The following CFAP70 variants were observed in gnomAD, a reference collection of about 807,000 sequenced individuals.
The protein encoded by CFAP70 is cilia- and flagella-associated protein 70.
A neutral mutation model predicts 137.6 loss-of-function variants in CFAP70; 81 were observed. That is an observed-to-expected ratio of 0.59 (90% CI 0.49 to 0.71). The LOEUF is 0.71. Among genes scored for constraint, CFAP70 ranks in the 30% least tolerant of loss-of-function variants. CFAP70 has a pLI of 0.00. For synonymous variants in CFAP70, 382 were observed against 423.6 expected (o/e 0.90, Z 1.20); for missense variants, 976 against 1,226.7 (o/e 0.80, Z 3.05).
exon 3 of CFAP70, chr10:73,353,592 T>C: frequency 6.2e-7 from 1 of 1,614,162 alleles, no homozygotes; most frequent in Non-Finnish European, 8.5e-7. Context: ...TCTGAAGTGA[T>C]TCCTCCTTCA....
chr10:73,293,095 G>A (rs919439665), intron 16 of CFAP70, among the ~76,000 whole-genome samples, 168 bp downstream of exon 17: 69 of 152,102 alleles, frequency 4.5e-4, no homozygotes, highest in African/African-American at 1.3e-3. Flanking sequence ...TTTCTTTTAG[G>A]TTTGTCAAAA....
exon 9 of CFAP70, chr10:73,323,085 C>T: frequency 6.2e-7 from 1 of 1,612,066 alleles, no homozygotes; most frequent in Non-Finnish European, 8.5e-7. Context: ...GAAAGCTGAG[C>T]TTCTTCATCA....
intron 8 of CFAP70, among the ~76,000 whole-genome samples, chr10:73,327,579 C>T (rs1431784424): frequency 6.6e-6 from 1 of 151,744 alleles, no homozygotes; most frequent in East Asian, 1.9e-4. Flanking sequence ...GATTGTATAT[C>T]TAGAAAACCC....
intron 7 of CFAP70, among the ~76,000 whole-genome samples, chr10:73,334,871 C>T (rs1428186706): frequency 6.7e-6 from 1 of 150,104 alleles, no homozygotes; most frequent in East Asian, 2.0e-4. Flanking sequence ...AGCCATTGCA[C>T]CTGGCCGAGT....
At chr10:73,261,077 G>A (rs1004476831) in intron 25 of CFAP70, among the ~76,000 whole-genome samples, 11 of 151,954 alleles carry the variant, frequency 7.2e-5, no homozygotes, top group African/African-American at 2.4e-4. Flanking sequence ...AGTAATGTAC[G>A]AGGATTCCAG....
At chr10:73,339,538 G>A (rs952888879) in intron 6 of CFAP70, among the ~76,000 whole-genome samples, 3 of 152,198 alleles carry the variant, frequency 2.0e-5, no homozygotes, top group African/African-American at 7.2e-5. Flanking sequence ...GGCAGGCTAT[G>A]CTAGGCTTGC....
At chr10:73,335,375 C>T in intron 7 of CFAP70, 55 bp downstream of exon 8, 1 of 1,128,902 alleles carries the variant, frequency 8.9e-7, no homozygotes, top group East Asian at 2.4e-5. Flanking sequence ...AGTAACATTT[C>T]TTCCCACCTA....
At chr10:73,321,913 G>A (rs1589474438) in intron 9 of CFAP70, among the ~76,000 whole-genome samples, 1 of 152,000 alleles carries the variant, frequency 6.6e-6, no homozygotes, top group Non-Finnish European at 1.5e-5. Flanking sequence ...CCTCCTGAGT[G>A]GCTGGGATTA....
chr10:73,300,680 T>C (rs2048881065), intron 12 of CFAP70, among the ~76,000 whole-genome samples: 2 of 152,150 alleles, frequency 1.3e-5, no homozygotes, highest in South Asian at 2.1e-4. Flanking sequence ...CTGAGAAACA[T>C]AGTGAAATCC....
intron 10 of CFAP70, 80 bp downstream of exon 11, chr10:73,312,393 A>G (rs546479573): frequency 3.9e-6 from 4 of 1,029,212 alleles, no homozygotes; most frequent in Admixed American, 5.2e-5. Context: ...TAACATTGAT[A>G]CCAGTCACCA....
At chr10:73,290,013 C>A (rs569365663) in intron 19 of CFAP70, among the ~76,000 whole-genome samples, 1 of 145,368 alleles carries the variant, frequency 6.9e-6, no homozygotes, top group African/African-American at 2.6e-5. Flanking sequence ...CCACTGCACT[C>A]CAGCCTGGGT....
chr10:73,318,704 T>C (rs992891379), intron 9 of CFAP70, among the ~76,000 whole-genome samples: 5 of 152,238 alleles, frequency 3.3e-5, no homozygotes, highest in African/African-American at 1.2e-4. Flanking sequence ...AACTCCAGGC[T>C]GCCTGAATGG....
intron 9 of CFAP70, among the ~76,000 whole-genome samples, chr10:73,315,875 T>C (rs1472132654): frequency 6.6e-6 from 1 of 152,220 alleles, no homozygotes; most frequent in African/African-American, 2.4e-5. Flanking sequence ...AGATTTTCCA[T>C]ACAGTTGTCT....
chr10:73,309,685 C>A (rs573002755), intron 12 of CFAP70, among the ~76,000 whole-genome samples: 1 of 123,326 alleles, frequency 8.1e-6, no homozygotes, highest in Non-Finnish European at 1.7e-5. Context: ...GAGATAGAGT[C>A]TTTCTCTGTC....
At chr10:73,302,913 G>A (rs1275122831) in intron 12 of CFAP70, among the ~76,000 whole-genome samples, 1 of 136,956 alleles carries the variant, frequency 7.3e-6, no homozygotes, top group Non-Finnish European at 1.5e-5. Context: ...AGAGGGTCTC[G>A]CTCTGTTGCC....
chr10:73,359,438 T>C (rs1028232704), upstream of CFAP70, among the ~76,000 whole-genome samples: 6 of 152,198 alleles, frequency 3.9e-5, no homozygotes, highest in African/African-American at 1.4e-4. Context: ...ATATATACTT[T>C]AAATTGTTGC....
chr10:73,260,259 A>C (rs1287970994), intron 25 of CFAP70, among the ~76,000 whole-genome samples: 1 of 152,050 alleles, frequency 6.6e-6, no homozygotes, highest in African/African-American at 2.4e-5. Context: ...AGGCTGAAAC[A>C]GGAGGATCCC....
rs1196002474 is a variant in CFAP70 at position 73,284,752 on chromosome 10, A to C, written c.2240-6415T>G. 2.6e-3 allele frequency among the ~76,000 whole-genome samples: 31 copies of C among 11,800 alleles called. 1 individual carries two copies. The highest frequency in any genetic ancestry group is 0.014 in the African/African-American group (27 of 1,984). The allele number at this position is 11,800 out of a possible 152,430, so 7.7% of individuals were successfully genotyped here. On this transcript the variant is annotated intron_variant, in intron 19 of 26. Transcript: ENST00000310715. ...TATGACCTGCCACATATATATATAT[A>C]TATATATATATATATATATATATAT...
chr10:73,331,965 G>A (rs956669898), intron 7 of CFAP70, among the ~76,000 whole-genome samples: 2 of 152,052 alleles, frequency 1.3e-5, no homozygotes, highest in African/African-American at 4.8e-5. Context: ...ATACAGCTTT[G>A]AAGTAATCCC....
Sources: gnomAD v4.1 joint callset for allele counts (sites outside exome capture counted in the v4.1 genomes callset) on GRCh38, gnomAD v4.1.1 for gene constraint, MANE v1.5 for transcripts, NCBI Gene and HGNC (gene_info 2026-07-23, HGNC 2026-07-21) for gene names.